The following ZNF385D variants were observed in gnomAD, a reference collection of about 807,000 sequenced individuals.
The protein encoded by ZNF385D is zinc finger protein 385D.
ZNF385D carries 15 observed loss-of-function variants against 35.8 expected under a neutral mutation model. The observed-to-expected ratio is 0.42, with a 90% CI of 0.28 to 0.64. ZNF385D has a LOEUF of 0.64. ZNF385D is among the 30% of genes least tolerant of loss of function. The probability of loss-of-function intolerance (pLI) is 0.23; values close to 1 mark genes in which losing one functional copy is unlikely to be tolerated. For missense variants in ZNF385D, 474 were observed against 494.6 expected (o/e 0.96, Z 0.39); for synonymous variants, 212 against 186.8 (o/e 1.13, Z -1.10).
intron 3 of ZNF385D, among the ~76,000 whole-genome samples, chr3:22,161,844 T>A (rs930898563): frequency 6.6e-6 from 1 of 152,106 alleles, no homozygotes; most frequent in East Asian, 1.9e-4. Context: ...AATACCCAAA[T>A]GTATGGTATA....
intron 3 of ZNF385D, among the ~76,000 whole-genome samples, chr3:21,774,154 C>A (rs1233099134): frequency 6.6e-6 from 1 of 151,848 alleles, no homozygotes; most frequent in Non-Finnish European, 1.5e-5. Flanking sequence ...CTCTCCTCAG[C>A]AAACTAATGC....
At chr3:22,162,679 A>G (rs562498929) in intron 3 of ZNF385D, among the ~76,000 whole-genome samples, 12 of 152,176 alleles carry the variant, frequency 7.9e-5, no homozygotes, top group Non-Finnish European at 1.3e-4. Context: ...AGGATAAGGT[A>G]TAAACTTCAA....
chr3:21,736,938 A>ATTTCTTTT (rs1415499308), intron 1 of ZNF385D, among the ~76,000 whole-genome samples: 3 of 152,084 alleles, frequency 2.0e-5, no homozygotes, highest in Non-Finnish European at 2.9e-5. Context: ...CAGCAATCCC[A>ATTTCTTTT]TTTCTTTTTT....
At chr3:21,734,896 A>G (rs977504269) in intron 1 of ZNF385D, among the ~76,000 whole-genome samples, 3 of 152,102 alleles carry the variant, frequency 2.0e-5, no homozygotes, top group African/African-American at 4.8e-5. Flanking sequence ...TGCATTTACT[A>G]GAGATAAATG....
At chr3:21,802,935 G>C (rs1203969725) in intron 3 of ZNF385D, among the ~76,000 whole-genome samples, 1 of 152,182 alleles carries the variant, frequency 6.6e-6, no homozygotes, top group Non-Finnish European at 1.5e-5. Context: ...AAGATGTTGG[G>C]AAGTAGGACA....
intron 2 of ZNF385D, among the ~76,000 whole-genome samples, chr3:22,336,049 G>A (rs1363313492): frequency 6.7e-6 from 1 of 150,032 alleles, no homozygotes; most frequent in Non-Finnish European, 1.5e-5. Context: ...TGATGATACA[G>A]ATTAAATATA....
intron 3 of ZNF385D, among the ~76,000 whole-genome samples, chr3:21,954,281 G>C (rs1702190380): frequency 6.6e-6 from 1 of 151,978 alleles, no homozygotes; most frequent in Non-Finnish European, 1.5e-5. Flanking sequence ...ATTAGGTGAT[G>C]TTTGACCCAC....
intron 3 of ZNF385D, among the ~76,000 whole-genome samples, chr3:22,098,937 G>A (rs1203344264): frequency 1.3e-5 from 2 of 151,912 alleles, no homozygotes; most frequent in Non-Finnish European, 2.9e-5. Context: ...TACTATTTAA[G>A]CCAGAAATAA....
intron 3 of ZNF385D, among the ~76,000 whole-genome samples, chr3:22,157,433 CCTTTT>C (rs1705662179): frequency 6.6e-6 from 1 of 151,816 alleles, no homozygotes; most frequent in Non-Finnish European, 1.5e-5. Flanking sequence ...GGTTGTTTCC[CCTTTT>C]CTTCTTTCTT....
chr3:21,623,818 T>C (rs1263989695), intron 2 of ZNF385D, among the ~76,000 whole-genome samples: 4 of 152,142 alleles, frequency 2.6e-5, no homozygotes, highest in Non-Finnish European at 4.4e-5. Flanking sequence ...TTAAATCATT[T>C]TCCCCCAATT....
intron 3 of ZNF385D, among the ~76,000 whole-genome samples, chr3:21,901,460 A>C (rs1699408914): frequency 6.6e-6 from 1 of 152,202 alleles, no homozygotes; most frequent in Admixed American, 6.6e-5. Context: ...CACATTAGGC[A>C]ATAATGTAAT....
chr3:21,700,076 A>T (rs2125377620), intron 1 of ZNF385D, among the ~76,000 whole-genome samples: 1 of 150,840 alleles, frequency 6.6e-6, no homozygotes, highest in South Asian at 2.1e-4. Flanking sequence ...AGGTGATCAA[A>T]CTCCTGACCT....
intron 3 of ZNF385D, among the ~76,000 whole-genome samples, chr3:21,546,836 GC>G (rs34082510): frequency 0.84 from 127,046 of 151,270 alleles, 53,705 homozygotes; most frequent in African/African-American, 0.94. Flanking sequence ...CTATTCTCTA[GC>G]CCCCCCCGCT....
At chr3:21,877,290 G>A (rs903843832) in intron 3 of ZNF385D, among the ~76,000 whole-genome samples, 3 of 151,934 alleles carry the variant, frequency 2.0e-5, no homozygotes, top group South Asian at 2.1e-4. Context: ...CCCAAACATC[G>A]ATTACAGCCT....
intron 3 of ZNF385D, among the ~76,000 whole-genome samples, chr3:21,923,188 C>T (rs1415269240): frequency 6.6e-6 from 1 of 151,976 alleles, no homozygotes. Flanking sequence ...CCCCCATCCC[C>T]CCACCCCACA....
intron 3 of ZNF385D, among the ~76,000 whole-genome samples, chr3:21,514,122 G>A (rs572354019): frequency 3.9e-5 from 6 of 152,216 alleles, no homozygotes; most frequent in African/African-American, 1.4e-4. Context: ...TTTGAGCAGA[G>A]GAGTGTAGGA....
At chr3:21,814,589 C>A (rs1176506291) in intron 3 of ZNF385D, among the ~76,000 whole-genome samples, 2 of 152,030 alleles carry the variant, frequency 1.3e-5, no homozygotes, top group African/African-American at 4.8e-5. Flanking sequence ...ACAAAGAAGG[C>A]CATTACATAA....
intron 2 of ZNF385D, among the ~76,000 whole-genome samples, chr3:22,228,632 G>T (rs1698703851): frequency 6.6e-6 from 1 of 152,184 alleles, no homozygotes; most frequent in Admixed American, 6.5e-5. Context: ...CAACTCGATT[G>T]GTTTGAAGGT....
intron 3 of ZNF385D, among the ~76,000 whole-genome samples, chr3:22,046,974 G>A (rs1576223248): frequency 1.3e-5 from 2 of 152,162 alleles, no homozygotes; most frequent in East Asian, 3.9e-4. Flanking sequence ...TATCTAATTT[G>A]AATAAACAAA....
Sources: gnomAD v4.1 joint callset for allele counts (sites outside exome capture counted in the v4.1 genomes callset) on GRCh38, gnomAD v4.1.1 for gene constraint, MANE v1.5 for transcripts, NCBI Gene and HGNC (gene_info 2026-07-23, HGNC 2026-07-21) for gene names.